The following BRD4 variants were observed in gnomAD, a reference collection of about 807,000 sequenced individuals.
The protein encoded by BRD4 is bromodomain containing 4.
Under a neutral mutation model 142.1 loss-of-function variants are expected in BRD4, and 16 were observed. That is an observed-to-expected ratio of 0.11 (90% confidence interval 0.08 to 0.17). The LOEUF is 0.17. Among genes scored for constraint, BRD4 ranks in the 10% least tolerant of loss-of-function variants. The pLI is 1.00. For missense variants in BRD4, 1,424 were observed against 1,810.9 expected (o/e 0.79, Z 3.88); for synonymous variants, 833 against 707.5 (o/e 1.18, Z -2.82).
intron 13 of BRD4, 148 bp from the exon 14 acceptor site, chr19:15,243,635 C>G: frequency 7.5e-6 from 10 of 1,338,566 alleles, no homozygotes; most frequent in Non-Finnish European, 9.8e-6. Flanking sequence ...ACCGTGGCCT[C>G]CCACAAACTC....
chr19:15,285,611 A>G (rs1478113924), intron 1 of BRD4, among the ~76,000 whole-genome samples: 1 of 152,240 alleles, frequency 6.6e-6, no homozygotes, highest in Non-Finnish European at 1.5e-5. Flanking sequence ...GGTGCATCAC[A>G]CATAAATAAA....
chr19:15,314,814 G>A (rs1451281012), intron 1 of BRD4, among the ~76,000 whole-genome samples: 1 of 152,194 alleles, frequency 6.6e-6, no homozygotes. Context: ...ACTGCAGAAA[G>A]TCCCCCTGGA....
intron 1 of BRD4, among the ~76,000 whole-genome samples, chr19:15,308,773 T>C (rs1475608299): frequency 1.3e-5 from 2 of 152,004 alleles, no homozygotes; most frequent in Admixed American, 6.6e-5. Flanking sequence ...ACCAGCACTT[T>C]GGGAGGCCGA....
chr19:15,265,665 C>T (rs201721261), intron 4 of BRD4, 22 bp from the exon 5 acceptor site: 53 of 1,613,514 alleles, frequency 3.3e-5, no homozygotes, highest in South Asian at 5.5e-5. Context: ...AATAAGACGG[C>T]GAGTTAGAGA....
At chr19:15,257,823 T>C (rs984693933) in intron 7 of BRD4, among the ~76,000 whole-genome samples, 1 of 152,068 alleles carries the variant, frequency 6.6e-6, no homozygotes. Flanking sequence ...AGGCAGCAGG[T>C]GTGGGGCACT....
intron 11 of BRD4, chr19:15,253,400 G>T: frequency 3.0e-6 from 2 of 674,864 alleles, no homozygotes; most frequent in Non-Finnish European, 5.0e-6. Flanking sequence ...ATCACTACCT[G>T]CCTCCACCTC....
chr19:15,239,738 G>C lies in BRD4; in HGVS notation c.3366C>G (p.Ser1122Arg). 6.2e-7 allele frequency: 1 copy of C among 1,606,408 alleles called. No individual in the cohort carries two copies. Among genetic ancestry groups the C allele is most frequent in the Non-Finnish European group, 8.5e-7 (1 of 1,179,600 alleles). Residue 1122 changes from serine (S) to arginine (R), a missense_variant, in exon 16 of 20, where the codon AGC becomes AGG. Coordinates refer to ENST00000679869, the MANE Select transcript of BRD4 (RefSeq NM_001379291.1). This position sits in a 1 kb window ranked among gnomAD's most constrained non-coding sequence, Gnocchi z 7.4. ...GCCGCAGCGAGGGGCTGAAGGGCTC[G>C]CTGCGGATGATGGGTGAGTGGATCT... is the stretch of plus-strand genomic sequence containing the variant. ...EEKIHSPIIR[S>R]EPFSPSLRPE...
intron 1 of BRD4, among the ~76,000 whole-genome samples, chr19:15,307,176 G>GA (rs2047921400): frequency 6.6e-6 from 1 of 152,118 alleles, no homozygotes; most frequent in Non-Finnish European, 1.5e-5. Flanking sequence ...ACACAAATCA[G>GA]AATCACTCAA....
intron 1 of BRD4, among the ~76,000 whole-genome samples, chr19:15,297,469 G>A (rs1403294838): frequency 1.3e-5 from 2 of 152,192 alleles, no homozygotes; most frequent in Non-Finnish European, 2.9e-5. Flanking sequence ...TGGCTTCACA[G>A]AGTTTTAAAA....
chr19:15,280,280 A>T, intron 1 of BRD4: 1 of 1,008,864 alleles, frequency 9.9e-7, no homozygotes, highest in Non-Finnish European at 1.2e-6. Flanking sequence ...CAGTGGCAAC[A>T]CCCACAAGGG....
At chr19:15,277,520 G>A (rs991220229) in intron 1 of BRD4, among the ~76,000 whole-genome samples, 1 of 151,110 alleles carries the variant, frequency 6.6e-6, no homozygotes, top group Non-Finnish European at 1.5e-5. Flanking sequence ...AGTGGCTCAC[G>A]CCTGTAATCC....
At chr19:15,247,566 G>A (rs966945201) in intron 11 of BRD4, 8 of 232,386 alleles carry the variant, frequency 3.4e-5, no homozygotes, top group African/African-American at 6.6e-5. Context: ...ACGTGTGTGC[G>A]CGTGCGTGCG....
Position 15,309,993 on chromosome 19 carries a change from C to T in BRD4, c.-35+22297G>A, listed in dbSNP as rs75292511. ...CTGCTCAAGAGTTGGTAAGCACCCT[C>T]GCACTTAAAACATTCCAAAACCCAA... is the stretch of plus-strand genomic sequence containing the variant. On this transcript the variant is annotated intron_variant, in intron 1 of 19. Coordinates refer to ENST00000679869, the MANE Select transcript of BRD4 (RefSeq NM_001379291.1). 6.5e-3 allele frequency among the ~76,000 whole-genome samples: 993 copies of T among 152,196 alleles called. 11 individuals are homozygous for T. The highest frequency in any genetic ancestry group is 0.022 in the African/African-American group (921 of 41,522).
chr19:15,320,158 C>A (rs900441493), intron 1 of BRD4, among the ~76,000 whole-genome samples: 3 of 152,154 alleles, frequency 2.0e-5, no homozygotes, highest in African/African-American at 7.2e-5. Flanking sequence ...TAGAGAGAAG[C>A]AGGGTCAGTC....
chr19:15,324,328 C>G (rs1420302163), intron 1 of BRD4, among the ~76,000 whole-genome samples: 1 of 152,226 alleles, frequency 6.6e-6, no homozygotes, highest in Non-Finnish European at 1.5e-5. Flanking sequence ...TGTGACCAAC[C>G]TCTAAAGAAA....
chr19:15,313,545 G>A (rs2047991833), intron 1 of BRD4, among the ~76,000 whole-genome samples: 1 of 151,802 alleles, frequency 6.6e-6, no homozygotes, highest in African/African-American at 2.4e-5. Flanking sequence ...GCGTGGTGGT[G>A]GGTGCCTGTA....
chr19:15,307,928 A>C (rs1161920970), intron 1 of BRD4, among the ~76,000 whole-genome samples: 2 of 151,230 alleles, frequency 1.3e-5, no homozygotes. Context: ...CAGCCTGGCC[A>C]ACAAGGCAAA....
At chr19:15,315,015 T>C (rs1217972182) in intron 1 of BRD4, among the ~76,000 whole-genome samples, 3 of 152,048 alleles carry the variant, frequency 2.0e-5, no homozygotes, top group African/African-American at 4.8e-5. Context: ...TCTTATCCTA[T>C]ATGCAGTGCG....
chr19:15,276,467 CAGAT>C (rs1351213179), intron 1 of BRD4, among the ~76,000 whole-genome samples: 8 of 151,934 alleles, frequency 5.3e-5, no homozygotes, highest in Non-Finnish European at 7.4e-5. Context: ...TACTGCCAGA[CAGAT>C]GGATGGATGC....
Sources: gnomAD v4.1 joint callset for allele counts (sites outside exome capture counted in the v4.1 genomes callset) on GRCh38, gnomAD v4.1.1 for gene constraint, Gnocchi (gnomAD v3.1) non-coding constraint, MANE v1.5 for transcripts, NCBI Gene and HGNC (gene_info 2026-07-23, HGNC 2026-07-21) for gene names.